Variants in CNPY1 observed in about 807,000 individuals in gnomAD.
CNPY1 encodes the protein protein canopy homolog 1.
In CNPY1, 14 loss-of-function variants were observed where a neutral mutation model predicts 14.4. The observed-to-expected ratio is 0.97, with a 90% CI of 0.64 to 1.52. CNPY1 has a LOEUF of 1.52. CNPY1 is among the 40% of genes most tolerant of loss of function. The pLI, the probability that CNPY1 is intolerant of heterozygous loss-of-function variation, is 0.00. For missense variants in CNPY1, 129 were observed against 131.5 expected (o/e 0.98, Z 0.09); for synonymous variants, 43 against 46.5 (o/e 0.92, Z 0.31).
rs1395792364 is a variant in CNPY1 at position 155,502,122 on chromosome 7, T to C, written c.*946A>G. On this transcript the variant is annotated 3_prime_UTR_variant, in exon 5 of 5. Transcript: ENST00000636446. ...TTTTAATCATTAAAGTCAGATTCCA[T>C]TGAATGCAAATGTAACAGAGATAAA... 3.9e-5 allele frequency: 6 copies of C among 152,178 alleles called. No individual in the cohort carries two copies. The highest frequency in any genetic ancestry group is 1.2e-4 in the African/African-American group (5 of 41,436). The allele number at this position is 152,178 out of a possible 1,614,324, so 9.4% of individuals were successfully genotyped here.
chr7:155,541,716 G>A (rs1427736092), intron 2 of CNPY1, among the ~76,000 whole-genome samples: 1 of 152,154 alleles, frequency 6.6e-6, no homozygotes, highest in African/African-American at 2.4e-5. Flanking sequence ...TTCCTCGAGG[G>A]TCTTGCTGCC....
chr7:155,512,557 A>C (rs907585470), intron 2 of CNPY1, among the ~76,000 whole-genome samples: 1 of 152,208 alleles, frequency 6.6e-6, no homozygotes, highest in Non-Finnish European at 1.5e-5. Context: ...AGAAGAGAAG[A>C]GCTAGGGAGT....
intron 2 of CNPY1, among the ~76,000 whole-genome samples, chr7:155,540,603 G>C (rs972582147): frequency 6.6e-6 from 1 of 152,218 alleles, no homozygotes; most frequent in Non-Finnish European, 1.5e-5. Flanking sequence ...GTTTCGCAGA[G>C]AGCGAGGCCT....
intron 2 of CNPY1, among the ~76,000 whole-genome samples, chr7:155,526,727 G>A (rs369175222): frequency 6.6e-5 from 10 of 152,176 alleles, no homozygotes; most frequent in Non-Finnish European, 1.0e-4. Context: ...ATTACCCAGC[G>A]CTGGCAATAT....
intron 4 of CNPY1, among the ~76,000 whole-genome samples, chr7:155,504,984 C>A (rs1282916794): frequency 6.6e-6 from 1 of 152,202 alleles, no homozygotes; most frequent in African/African-American, 2.4e-5. Flanking sequence ...GCTTCAGTCA[C>A]TTATCAGAGT....
chr7:155,518,021 A>C (rs1213387579), intron 2 of CNPY1, among the ~76,000 whole-genome samples: 1 of 152,216 alleles, frequency 6.6e-6, no homozygotes, highest in African/African-American at 2.4e-5. Context: ...ACCGTCCTGC[A>C]TATGACCCAG....
At chr7:155,515,299 C>T (rs1438203726) in intron 2 of CNPY1, among the ~76,000 whole-genome samples, 2 of 143,216 alleles carry the variant, frequency 1.4e-5, no homozygotes, top group African/African-American at 5.0e-5. Context: ...AGGCCGCCCC[C>T]CCCCCCCCCG....
intron 2 of CNPY1, among the ~76,000 whole-genome samples, chr7:155,517,571 C>A (rs547724159): frequency 6.6e-6 from 1 of 152,174 alleles, no homozygotes; most frequent in South Asian, 2.1e-4. Context: ...CATGCAGAGG[C>A]GGCCAGCAGG....
Position 155,542,735 on chromosome 7 carries a change from A to G in CNPY1, c.99+3096T>C, listed in dbSNP as rs567538378. 9.2e-4 allele frequency among the ~76,000 whole-genome samples: 140 copies of G among 152,234 alleles called. 1 individual carries two copies. The highest frequency in any genetic ancestry group is 3.2e-3 in the African/African-American group (133 of 41,550). ...TCTGTCCCAGCCCCACATCCACACC[A>G]GGGACTGAGCCAGTGCGGGCAGAGG... On this transcript the variant is annotated intron_variant, in intron 2 of 4. Transcript: ENST00000636446.
rs1260106885 is a variant in CNPY1 at position 155,536,400 on chromosome 7, T to C, written c.99+9431A>G. 6.6e-6 allele frequency among the ~76,000 whole-genome samples: 1 copy of C among 152,156 alleles called. No homozygotes were observed. Among genetic ancestry groups the C allele is most frequent in the Non-Finnish European group, 1.5e-5 (1 of 68,032 alleles). ...AGGTCACCAAATGCATCCAGGGCCA[T>C]ACTGAGGTGCCTTTCTTTGTCCCAT... On this transcript the variant is annotated intron_variant, in intron 2 of 4. Coordinates refer to ENST00000636446, the MANE Select transcript of CNPY1 (RefSeq NM_001393663.1). The surrounding 1 kb of genome is among the most constrained non-coding windows in gnomAD (Gnocchi z 4.1).
rs1360152554 is a variant in CNPY1 at position 155,545,854 on chromosome 7, C to T, written c.76G>A (p.Asp26Asn). The change falls in exon 2 of 5, where the codon GAT (aspartate) becomes AAT (asparagine). Residue 26 changes from aspartate to asparagine, a missense_variant. Coordinates refer to ENST00000636446, the MANE Select transcript of CNPY1 (RefSeq NM_001393663.1). ...TKVGSFRINP[D>N]GTQERRKIPL... ...ACCTTTCTCCTCTCCTGAGTCCCATCGGGATTGATTCGGAAGGATCCCACC... is the reference window on the plus strand; with the variant it reads ...ACCTTTCTCCTCTCCTGAGTCCCATTGGGATTGATTCGGAAGGATCCCACC... 5.0e-6 allele frequency: 2 copies of T among 398,672 alleles called. No homozygotes were observed. The highest frequency in any genetic ancestry group is 3.6e-5 in the East Asian group (1 of 28,074). 24.7% of individuals were successfully genotyped at this position (398,672 alleles called of 1,614,324 possible).
chr7:155,536,106 C>T lies in CNPY1; in HGVS notation c.99+9725G>A, dbSNP rs369036535. Among the ~76,000 whole-genome samples the T allele has an allele frequency of 1.6e-4, 24 of 152,234 alleles. No individual in the cohort carries two copies. The highest frequency in any genetic ancestry group is 3.6e-4 in the African/African-American group (15 of 41,530). Reference sequence around the variant, plus strand: ...TCTGGGCTGGGCTGTCCTCACCTGGCGGGGTCAGAGGCAGTGGGGATCCAG... The same window carrying T: ...TCTGGGCTGGGCTGTCCTCACCTGGTGGGGTCAGAGGCAGTGGGGATCCAG... On this transcript the variant is annotated intron_variant, in intron 2 of 4. Coordinates refer to ENST00000636446, the MANE Select transcript of CNPY1 (RefSeq NM_001393663.1). The surrounding 1 kb of genome is among the most constrained non-coding windows in gnomAD (Gnocchi z 4.1).
At chr7:155,541,866 C>A (rs1353170679) in intron 2 of CNPY1, among the ~76,000 whole-genome samples, 2 of 152,206 alleles carry the variant, frequency 1.3e-5, no homozygotes, top group Non-Finnish European at 2.9e-5. Flanking sequence ...GAAACCACGG[C>A]AGCCCTATAG....
At chr7:155,530,983 A>T (rs986622626) in intron 2 of CNPY1, among the ~76,000 whole-genome samples, 1 of 152,234 alleles carries the variant, frequency 6.6e-6, no homozygotes, top group African/African-American at 2.4e-5. Context: ...ACTTGGGCTC[A>T]GTCATTCTCC....
intron 2 of CNPY1, among the ~76,000 whole-genome samples, chr7:155,515,689 G>T (rs1394284194): frequency 6.6e-6 from 1 of 152,158 alleles, no homozygotes; most frequent in Non-Finnish European, 1.5e-5. Flanking sequence ...TGCTGACTAG[G>T]AGTGCTGGGG....
intron 1 of CNPY1, 82 bp from the exon 2 acceptor site, chr7:155,546,025 C>T: frequency 5.0e-6 from 2 of 398,334 alleles, no homozygotes; most frequent in Admixed American, 4.4e-5. Context: ...TCTGTGCCAC[C>T]CTCTAGCTAG....
At chr7:155,511,820 T>G (rs569303535) in intron 2 of CNPY1, among the ~76,000 whole-genome samples, 16 of 152,358 alleles carry the variant, frequency 1.1e-4, no homozygotes, top group African/African-American at 3.8e-4. Flanking sequence ...AGAAAAATTT[T>G]GATCCTGAAA....
At chr7:155,537,384 A>C (rs1468822584) in intron 2 of CNPY1, among the ~76,000 whole-genome samples, 1 of 151,796 alleles carries the variant, frequency 6.6e-6, no homozygotes, top group Non-Finnish European at 1.5e-5. Flanking sequence ...AATTCAAGGA[A>C]GGGCCACATC....
rs377747363 is a variant in CNPY1 at position 155,544,018 on chromosome 7, G to C, written c.99+1813C>G. 1.2e-4 allele frequency among the ~76,000 whole-genome samples: 19 copies of C among 152,326 alleles called. 1 individual carries two copies. The South Asian group carries it at 1.7e-3, about 13-fold the overall frequency. On this transcript the variant is annotated intron_variant, in intron 2 of 4. Transcript: ENST00000636446. ...CCAAGACAACAGAAAGCAGGGGAGGGTGTGGCCCATTTTCTCCAGGCAAAC... is the reference window on the plus strand; with the variant it reads ...CCAAGACAACAGAAAGCAGGGGAGGCTGTGGCCCATTTTCTCCAGGCAAAC...
Sources: gnomAD v4.1 joint callset for allele counts (sites outside exome capture counted in the v4.1 genomes callset) on GRCh38, gnomAD v4.1.1 for gene constraint, Gnocchi (gnomAD v3.1) non-coding constraint, MANE v1.5 for transcripts, NCBI Gene and HGNC (gene_info 2026-07-23, HGNC 2026-07-21) for gene names.